GRB14: variants seen among roughly 807,000 people sequenced by gnomAD.
GRB14 encodes the protein growth factor receptor bound protein 14.
GRB14 carries 38 observed loss-of-function variants against 69.1 expected under a neutral mutation model. The observed-to-expected ratio is 0.55, with a 90% CI of 0.42 to 0.72. The LOEUF (loss-of-function observed/expected upper bound fraction) is 0.72. GRB14 is among the 30% of genes least tolerant of loss of function. The pLI is 0.00. For missense variants in GRB14, 666 were observed against 666.1 expected, an observed-to-expected ratio of 1.00 and a Z score of 0.00; for synonymous variants, 247 against 241.3, an observed-to-expected ratio of 1.02 and a Z score of -0.22.
At chr2:164,592,402 G>C (rs1317123453) in intron 2 of GRB14, among the ~76,000 whole-genome samples, 2 of 152,174 alleles carry the variant, frequency 1.3e-5, no homozygotes, top group African/African-American at 4.8e-5. Flanking sequence ...CCAAAGTGCT[G>C]GGATTACAGG....
intron 2 of GRB14, among the ~76,000 whole-genome samples, chr2:164,598,783 AAC>A (rs1689847000): frequency 6.6e-6 from 1 of 152,144 alleles, no homozygotes; most frequent in South Asian, 2.1e-4. Context: ...CTCTCTGGAA[AAC>A]AGTTTTTCCC....
rs368925193 is a variant in GRB14 at position 164,508,472 on chromosome 2, C to T, written c.1006G>A (p.Ala336Thr). Residue 336 changes from alanine to threonine, a missense_variant, in exon 8 of 14, where the codon GCG becomes ACG. Coordinates refer to ENST00000263915, the MANE Select transcript of GRB14 (RefSeq NM_004490.3). ...GAGATTACCTTAAGCAATCTAATCG[C>T]GGTCACCCAGCACGTCCTACTCTGC... is the stretch of plus-strand genomic sequence containing the variant. ...EEQSRTCWVT[A>T]IRLLKYGMQL... 17 of 1,613,788 alleles carry T rather than the reference C, an allele frequency of 1.1e-5. No homozygotes were observed. Among genetic ancestry groups the T allele is most frequent in the East Asian group, 4.5e-5 (2 of 44,884 alleles).
At chr2:164,546,332 C>T (rs1688371719) in intron 3 of GRB14, among the ~76,000 whole-genome samples, 1 of 151,836 alleles carries the variant, frequency 6.6e-6, no homozygotes, top group South Asian at 2.1e-4. Context: ...ATTTTTGTAC[C>T]TCGGAAGAAA....
In GRB14 at chr2:164,621,371, C is replaced by A. The variant is rs1430828292; in HGVS notation, c.-62G>T. The A allele has an allele frequency of 1.9e-5, 23 of 1,227,660 alleles. No individual in the cohort carries two copies. Among genetic ancestry groups the A allele is most frequent in the Non-Finnish European group, 2.2e-5 (22 of 977,952 alleles). 76.0% of individuals were successfully genotyped at this position (1,227,660 alleles called of 1,614,324 possible). A position where few individuals can be genotyped will look rare whatever the true frequency, so the allele number is the denominator to read the frequency against. The stretch of plus-strand genomic sequence containing the variant: ...TCGGCGCGTGGGGAGAAGGGGTTTG[C>A]GCGGCGGGAGGCGAGGTGCCGGCTA... On this transcript the variant is annotated 5_prime_UTR_variant, in exon 1 of 14. Transcript: ENST00000263915. This position sits in a 1 kb window ranked among gnomAD's most constrained non-coding sequence, Gnocchi z 6.0.
At position 164,497,276 on chromosome 2, in the gene GRB14, C is replaced by T; in HGVS notation, c.1229G>A (p.Gly410Glu). The part of the protein sequence containing the change: ...VEEGLAWRKK[G>E]CLRLGTHGSP... Reference sequence around the variant, plus strand: ...ACCGTGAGTGCCCAGGCGTAAACATCCTTTTTTCTGAGCAAGGAAGGAGAA... The same window carrying T: ...ACCGTGAGTGCCCAGGCGTAAACATTCTTTTTTCTGAGCAAGGAAGGAGAA... The change falls in exon 11 of 14, where the codon GGA becomes GAA. Residue 410 changes from glycine (G) to glutamate (E), a missense_variant. Physicochemically the swap from Gly to Glu is moderately conservative, Grantham distance 98 (BLOSUM62 -2). Coordinates refer to ENST00000263915, the MANE Select transcript of GRB14 (RefSeq NM_004490.3). The T allele has an allele frequency of 6.2e-7, 1 of 1,612,704 alleles. No homozygotes were observed. The highest frequency in any genetic ancestry group is 1.1e-5 in the South Asian group (1 of 90,810).
intron 3 of GRB14, among the ~76,000 whole-genome samples, chr2:164,531,538 G>A (rs1687937184): frequency 6.6e-6 from 1 of 152,144 alleles, no homozygotes; most frequent in African/African-American, 2.4e-5. Context: ...GTTTTTTTGA[G>A]TGTCACAGTA....
chr2:164,573,592 C>G (rs1174185319), intron 2 of GRB14: 18 of 1,149,350 alleles, frequency 1.6e-5, no homozygotes, highest in Non-Finnish European at 1.7e-5. Context: ...TGTAAGTCAC[C>G]CTTTATATAA....
intron 2 of GRB14, among the ~76,000 whole-genome samples, chr2:164,582,554 G>A (rs920075601): frequency 2.6e-5 from 4 of 151,892 alleles, no homozygotes; most frequent in African/African-American, 9.7e-5. Flanking sequence ...CCGAGTAGCT[G>A]GGATTACAGT....
At chr2:164,506,752 GATAGAT>G (rs1211816269) in intron 8 of GRB14, among the ~76,000 whole-genome samples, 1 of 152,012 alleles carries the variant, frequency 6.6e-6, no homozygotes, top group African/African-American at 2.4e-5. Flanking sequence ...CCAACATATA[GATAGAT>G]ATAGAGAGCT....
At chr2:164,548,508 G>T (rs1311437056) in intron 2 of GRB14, among the ~76,000 whole-genome samples, 1 of 152,118 alleles carries the variant, frequency 6.6e-6, no homozygotes, top group Non-Finnish European at 1.5e-5. Context: ...AAATAATGCT[G>T]CAATGAACAT....
chr2:164,538,460 G>A (rs1688140848), intron 3 of GRB14, among the ~76,000 whole-genome samples: 1 of 152,160 alleles, frequency 6.6e-6, no homozygotes. Context: ...TCCAGTGGCT[G>A]TGAAGCAAAC....
intron 6 of GRB14, among the ~76,000 whole-genome samples, chr2:164,515,011 T>C (rs551297137): frequency 5.9e-5 from 9 of 152,202 alleles, no homozygotes; most frequent in Non-Finnish European, 8.8e-5. Flanking sequence ...ATAACTCCAT[T>C]GGCCTGAGAA....
At chr2:164,512,233 C>T (rs980062401) in intron 6 of GRB14, among the ~76,000 whole-genome samples, 10 of 152,154 alleles carry the variant, frequency 6.6e-5, no homozygotes, top group Admixed American at 6.5e-4. Flanking sequence ...ATGGCGTGAT[C>T]TCGGCTCACT....
rs148268784 is a variant in GRB14 at position 164,503,442 on chromosome 2, CAAAAAAAAAAAAAAAAAAAAA to C, written c.1024-1128_1024-1108del. Among the ~76,000 whole-genome samples the C allele has an allele frequency of 4.3e-5, 4 of 92,256 alleles. No homozygotes were observed. The East Asian group carries it at 3.4e-3, about 79-fold the overall frequency. 60.5% of individuals were successfully genotyped at this position (92,256 alleles called of 152,430 possible). A position where few individuals can be genotyped will look rare whatever the true frequency, so the allele number is the denominator to read the frequency against. Reference sequence around the variant, plus strand: ...ACAATGGGTATATTTGGTAATTAGGCAAAAAAAAAAAAAAAAAAAAAAAAAAAAAAAAAATCAGAGGAGGTC... The same window carrying C: ...ACAATGGGTATATTTGGTAATTAGGCAAAAAAAAAAAAATCAGAGGAGGTC... On this transcript the variant is annotated intron_variant, in intron 8 of 13. Coordinates refer to ENST00000263915, the MANE Select transcript of GRB14 (RefSeq NM_004490.3).
chr2:164,503,537 C>T (rs1657268530), intron 8 of GRB14, among the ~76,000 whole-genome samples: 1 of 149,886 alleles, frequency 6.7e-6, no homozygotes, highest in African/African-American at 2.5e-5. Context: ...GAATGCAAAC[C>T]CACATTCATT....
At chr2:164,611,840 C>T in intron 2 of GRB14, among the ~76,000 whole-genome samples, 1 of 152,044 alleles carries the variant, frequency 6.6e-6, no homozygotes, top group East Asian at 1.9e-4. Flanking sequence ...AAAGTGTGGT[C>T]ACTATATGGG....
chr2:164,619,881 C>A, intron 1 of GRB14, 62 bp from the exon 2 acceptor site: 1 of 1,436,158 alleles, frequency 7.0e-7, no homozygotes, highest in Non-Finnish European at 9.7e-7. Flanking sequence ...TAATTGCTGT[C>A]AGGAATAAAA....
intron 2 of GRB14, among the ~76,000 whole-genome samples, chr2:164,598,597 C>A (rs946787501): frequency 6.6e-6 from 1 of 152,118 alleles, no homozygotes; most frequent in Non-Finnish European, 1.5e-5. Context: ...TTCTTTCTGG[C>A]ATGGTAGGAG....
At chr2:164,563,517 C>T (rs1574312649) in intron 2 of GRB14, among the ~76,000 whole-genome samples, 1 of 152,346 alleles carries the variant, frequency 6.6e-6, no homozygotes, top group East Asian at 1.9e-4. Flanking sequence ...ACTCACGAGC[C>T]TGTTCTTGGT....
Sources: gnomAD v4.1 joint callset for allele counts (sites outside exome capture counted in the v4.1 genomes callset) on GRCh38, gnomAD v4.1.1 for gene constraint, Gnocchi (gnomAD v3.1) non-coding constraint, MANE v1.5 for transcripts, NCBI Gene and HGNC (gene_info 2026-07-23, HGNC 2026-07-21) for gene names.